The following ABAT variants were observed in gnomAD, a reference collection of about 807,000 sequenced individuals.
ABAT encodes the protein 4-aminobutyrate aminotransferase.
Under a neutral mutation model 64.6 loss-of-function variants are expected in ABAT, and 45 were observed. The ratio of observed to expected loss-of-function variants is 0.70; its 90% confidence interval spans 0.55 to 0.89. The LOEUF (loss-of-function observed/expected upper bound fraction) is 0.89. ABAT is among the 40% of genes least tolerant of loss of function. The probability of loss-of-function intolerance (pLI) is 0.00; values close to 1 mark genes in which losing one functional copy is unlikely to be tolerated. For missense variants in ABAT, 633 were observed against 658.4 expected, an observed-to-expected ratio of 0.96 and a Z score of 0.42; for synonymous variants, 297 against 250.5, an observed-to-expected ratio of 1.19 and a Z score of -1.75.
intron 6 of ABAT, among the ~76,000 whole-genome samples, chr16:8,763,729 A>C (rs2059861470): frequency 6.6e-6 from 1 of 152,208 alleles, no homozygotes; most frequent in Admixed American, 6.5e-5. Context: ...CTGATGGTTA[A>C]ATATATAAAG....
intron 6 of ABAT, among the ~76,000 whole-genome samples, chr16:8,761,063 G>C (rs1185650215): frequency 4.2e-5 from 6 of 142,046 alleles, no homozygotes; most frequent in African/African-American, 1.5e-4. Context: ...GTGACAGAGC[G>C]AGACCTTGCC....
At chr16:8,718,417 GA>G (rs901884091) in intron 1 of ABAT, among the ~76,000 whole-genome samples, 3 of 152,194 alleles carry the variant, frequency 2.0e-5, no homozygotes, top group African/African-American at 7.2e-5. Context: ...GAATGGCAAT[GA>G]AAAAAAGTTT....
At chr16:8,766,861 C>G (rs984479446) in intron 9 of ABAT, among the ~76,000 whole-genome samples, 1 of 151,186 alleles carries the variant, frequency 6.6e-6, no homozygotes, top group Admixed American at 6.6e-5. Context: ...TCCAGCTACT[C>G]GGGAGGCTGA....
At chr16:8,757,205 T>G (rs2059672669) in intron 5 of ABAT, 1 of 451,306 alleles carries the variant, frequency 2.2e-6, no homozygotes, top group South Asian at 1.6e-5. Context: ...AGTCTCACTG[T>G]CACCCAGGCT....
chr16:8,734,311 AGCTCCAGGCCT>A (rs2058848449), intron 1 of ABAT, among the ~76,000 whole-genome samples: 1 of 152,174 alleles, frequency 6.6e-6, no homozygotes, highest in South Asian at 2.1e-4. Flanking sequence ...TGAAGATGTA[AGCTCCAGGCCT>A]GCCTCATTCA....
chr16:8,771,465 T>C (rs1278571826), intron 11 of ABAT, among the ~76,000 whole-genome samples: 1 of 73,936 alleles, frequency 1.4e-5, no homozygotes, highest in African/African-American at 5.9e-5. Flanking sequence ...AGGGTTTTTC[T>C]TTCTTTTTTT....
intron 1 of ABAT, among the ~76,000 whole-genome samples, chr16:8,726,872 A>C (rs1308540909): frequency 6.6e-6 from 1 of 152,172 alleles, no homozygotes; most frequent in Non-Finnish European, 1.5e-5. Flanking sequence ...TGTCTTTTGG[A>C]TATAAGCCAT....
At position 8,755,639 on chromosome 16, in the gene ABAT, G is replaced by A. The variant is rs543245235; in HGVS notation, c.317-2118G>A. Among the ~76,000 whole-genome samples the A allele has an allele frequency of 3.2e-4, 49 of 152,208 alleles. 1 individual carries two copies. The South Asian group carries it at 8.1e-3, about 25-fold the overall frequency. ...AATGGCTTGACTTCAGGCCGGGTTCGGTGGCTCACACCTGTAATCCTAGCA... is the reference window on the plus strand; with the variant it reads ...AATGGCTTGACTTCAGGCCGGGTTCAGTGGCTCACACCTGTAATCCTAGCA... On this transcript the variant is annotated intron_variant, in intron 5 of 15. Transcript: ENST00000268251.
chr16:8,772,220 G>A (rs1216632797), intron 11 of ABAT, among the ~76,000 whole-genome samples: 1 of 145,636 alleles, frequency 6.9e-6, no homozygotes, highest in Non-Finnish European at 1.5e-5. Flanking sequence ...CACTTTATGT[G>A]TGCCAGACTC....
chr16:8,762,648 G>A (rs145958899), intron 6 of ABAT, among the ~76,000 whole-genome samples: 3 of 152,260 alleles, frequency 2.0e-5, no homozygotes, highest in Admixed American at 6.5e-5. Context: ...TCACCCCCAC[G>A]TCGTTCCTAG....
intron 2 of ABAT, among the ~76,000 whole-genome samples, chr16:8,739,410 T>C (rs2059094530): frequency 6.6e-6 from 1 of 152,220 alleles, no homozygotes; most frequent in African/African-American, 2.4e-5. Flanking sequence ...CACAAATTTC[T>C]TGCATTAGAA....
At chr16:8,774,837 T>G in intron 12 of ABAT, 53 bp from the exon 13 acceptor site, 1 of 1,609,754 alleles carries the variant, frequency 6.2e-7, no homozygotes, top group Non-Finnish European at 8.5e-7. Flanking sequence ...AGGGCATGAA[T>G]TTCTGGCCTC....
chr16:8,702,274 T>C (rs1054004324), intron 1 of ABAT, among the ~76,000 whole-genome samples: 6 of 151,778 alleles, frequency 4.0e-5, no homozygotes, highest in Admixed American at 2.0e-4. Flanking sequence ...TCTTTTTTTT[T>C]TTTTCTTTTG....
chr16:8,754,276 G>A (rs2059579299), intron 5 of ABAT, among the ~76,000 whole-genome samples: 1 of 150,382 alleles, frequency 6.6e-6, no homozygotes, highest in South Asian at 2.1e-4. Context: ...GATTGCTTAA[G>A]CTAGGGAGGT....
At chr16:8,692,958 AT>A in intron 1 of ABAT, among the ~76,000 whole-genome samples, 1 of 152,290 alleles carries the variant, frequency 6.6e-6, no homozygotes. Context: ...GGTTCAAATG[AT>A]TCTCCTGCCT....
intron 1 of ABAT, among the ~76,000 whole-genome samples, chr16:8,725,864 C>T (rs917345669): frequency 1.3e-5 from 2 of 152,078 alleles, no homozygotes; most frequent in Non-Finnish European, 2.9e-5. Context: ...AAGAGCTAAT[C>T]CCTGCCTTCT....
At chr16:8,760,444 C>A (rs995491735) in intron 6 of ABAT, 1 of 152,168 alleles carries the variant, frequency 6.6e-6, no homozygotes, top group Non-Finnish European at 1.5e-5. Flanking sequence ...AGAGTTGGAG[C>A]TAATAGGAAA....
At chr16:8,723,928 C>T (rs1405015434) in intron 1 of ABAT, among the ~76,000 whole-genome samples, 1 of 148,304 alleles carries the variant, frequency 6.7e-6, no homozygotes, top group African/African-American at 2.5e-5. Flanking sequence ...GCAACCCCCA[C>T]CTCCCGGGTT....
In ABAT at chr16:8,781,017, C is replaced by T. The variant is rs1877279162; in HGVS notation, c.1382-292C>T. On this transcript the variant is annotated intron_variant, in intron 15 of 15. Coordinates refer to ENST00000268251, the MANE Select transcript of ABAT (RefSeq NM_020686.6). This position sits in a 1 kb window ranked among gnomAD's most constrained non-coding sequence, Gnocchi z 4.5. ...CTCTATCACCAGACCTAGCTTGGGG[C>T]AGCAAAGCAGGCACTCAAAGGAGAG... Among the ~76,000 whole-genome samples the T allele has an allele frequency of 6.6e-6, 1 of 151,798 alleles. No homozygotes were observed. Among genetic ancestry groups the T allele is most frequent in the Admixed American group, 6.6e-5 (1 of 15,236 alleles).
Sources: gnomAD v4.1 joint callset for allele counts (sites outside exome capture counted in the v4.1 genomes callset) on GRCh38, gnomAD v4.1.1 for gene constraint, Gnocchi (gnomAD v3.1) non-coding constraint, MANE v1.5 for transcripts, NCBI Gene and HGNC (gene_info 2026-07-23, HGNC 2026-07-21) for gene names.